The following SH3D19 variants were observed in gnomAD, a reference collection of about 807,000 sequenced individuals.
The protein encoded by SH3D19 is SH3 domain-containing protein 19.
SH3D19 carries 58 observed loss-of-function variants against 112.1 expected under a neutral mutation model. The observed-to-expected ratio is 0.52, with a 90% CI of 0.42 to 0.64. The LOEUF is 0.64. Ranked by LOEUF, SH3D19 falls within the 30% of genes least tolerant of loss-of-function variation. SH3D19 has a pLI of 0.00. For missense variants in SH3D19, 1,090 were observed against 1,263.4 expected (o/e 0.86, Z 2.08); for synonymous variants, 391 against 448.5 (o/e 0.87, Z 1.62).
At chr4:151,147,887 T>G in intron 11 of SH3D19, 35 bp downstream of exon 11, 1 of 1,563,984 alleles carries the variant, frequency 6.4e-7, no homozygotes, top group Non-Finnish European at 8.6e-7. Flanking sequence ...AGGGCACACC[T>G]CTTGACCACA....
At chr4:151,227,839 G>A in intron 1 of SH3D19, 1 of 985,348 alleles carries the variant, frequency 1.0e-6, no homozygotes, top group South Asian at 4.7e-5. Flanking sequence ...GTTTACTTAG[G>A]CATGTAATAG....
chr4:151,135,997 A>G (rs1314668773), intron 14 of SH3D19, among the ~76,000 whole-genome samples: 1 of 149,886 alleles, frequency 6.7e-6, no homozygotes, highest in Non-Finnish European at 1.5e-5. Flanking sequence ...AAAACAAAAC[A>G]AAACAAAACA....
rs376938941 is a variant in SH3D19 at position 151,205,071 on chromosome 4, T to G, written c.153-17608A>C. ...CCTGACTTCAGGTGATCCACCCACC[T>G]CAGCCTCCCAAAGTACTGGGATTAC... On this transcript the variant is annotated intron_variant, in intron 2 of 19. Coordinates refer to ENST00000604030, the MANE Select transcript of SH3D19 (RefSeq NM_001378122.1). Among the ~76,000 whole-genome samples, 15 of 152,276 alleles carry G rather than the reference T, an allele frequency of 9.9e-5. No homozygotes were observed. The East Asian group carries it at 1.9e-3, about 20-fold the overall frequency.
chr4:151,239,262 G>A (rs1321285131), intron 1 of SH3D19, among the ~76,000 whole-genome samples: 1 of 152,156 alleles, frequency 6.6e-6, no homozygotes, highest in Admixed American at 6.6e-5. Flanking sequence ...CTTTAAGACA[G>A]AGCCTTTATA....
chr4:151,236,451 T>G (rs1469894405), intron 1 of SH3D19, among the ~76,000 whole-genome samples: 1 of 152,192 alleles, frequency 6.6e-6, no homozygotes, highest in Non-Finnish European at 1.5e-5. Context: ...CAGCTGGGCT[T>G]CTGGGTCGGG....
chr4:151,318,363 G>C (rs1730221418), intron 1 of SH3D19, among the ~76,000 whole-genome samples: 1 of 150,868 alleles, frequency 6.6e-6, no homozygotes, highest in Admixed American at 6.6e-5. Context: ...ATTATTACCA[G>C]GCCATGTTAA....
chr4:151,215,162 T>A (rs1478072643), intron 2 of SH3D19, among the ~76,000 whole-genome samples: 1 of 152,200 alleles, frequency 6.6e-6, no homozygotes, highest in East Asian at 1.9e-4. Context: ...CCTCAAGCAA[T>A]CCTCCTGCCT....
chr4:151,237,137 G>A (rs1275956399), intron 1 of SH3D19, among the ~76,000 whole-genome samples: 2 of 152,122 alleles, frequency 1.3e-5, no homozygotes, highest in Admixed American at 6.6e-5. Context: ...CACTCCTGAA[G>A]CCAGCGAGAC....
At chr4:151,270,341 T>A (rs971085716) in intron 1 of SH3D19, among the ~76,000 whole-genome samples, 2 of 152,104 alleles carry the variant, frequency 1.3e-5, no homozygotes, top group Non-Finnish European at 2.9e-5. Context: ...TGACTTCTGT[T>A]CATTAAGTGT....
chr4:151,144,112 C>A, intron 11 of SH3D19, 62 bp from the exon 12 acceptor site: 2 of 1,586,858 alleles, frequency 1.3e-6, no homozygotes, highest in Non-Finnish European at 1.7e-6. Flanking sequence ...ATTACTTTTT[C>A]ACATTTTAAT....
intron 1 of SH3D19, among the ~76,000 whole-genome samples, chr4:151,263,366 G>T (rs920956503): frequency 6.6e-6 from 1 of 152,124 alleles, no homozygotes; most frequent in African/African-American, 2.4e-5. Context: ...CCAACCCTGG[G>T]ATTAGACTGG....
chr4:151,258,894 G>A (rs1039742960), intron 1 of SH3D19, among the ~76,000 whole-genome samples: 2 of 152,100 alleles, frequency 1.3e-5, no homozygotes, highest in Non-Finnish European at 2.9e-5. Flanking sequence ...GGGCACTGCT[G>A]GCTATGCATT....
At chr4:151,165,264 T>A (rs987687936) in intron 8 of SH3D19, among the ~76,000 whole-genome samples, 5 of 151,712 alleles carry the variant, frequency 3.3e-5, no homozygotes, top group Admixed American at 2.6e-4. Flanking sequence ...ATTGCTTGAA[T>A]CCGGGAGGCA....
At chr4:151,204,808 G>A (rs924758319) in intron 2 of SH3D19, among the ~76,000 whole-genome samples, 2 of 152,050 alleles carry the variant, frequency 1.3e-5, no homozygotes, top group Non-Finnish European at 2.9e-5. Context: ...TTTAAATACT[G>A]AGATCAAGTC....
intron 1 of SH3D19, among the ~76,000 whole-genome samples, chr4:151,314,483 T>C (rs2651321): frequency 0.94 from 143,046 of 152,236 alleles, 67,311 homozygotes; most frequent in East Asian, 1. Context: ...AACGGTGGAG[T>C]GGGGGCCTCA....
intron 1 of SH3D19, among the ~76,000 whole-genome samples, chr4:151,249,946 T>A (rs553917511): frequency 2.6e-5 from 4 of 152,314 alleles, no homozygotes; most frequent in African/African-American, 9.6e-5. Context: ...TATGCTTGAG[T>A]TAAAATATTT....
intron 1 of SH3D19, among the ~76,000 whole-genome samples, chr4:151,307,089 G>A (rs1728990859): frequency 6.7e-6 from 1 of 149,358 alleles, no homozygotes; most frequent in Non-Finnish European, 1.5e-5. Context: ...CGGGATCTCG[G>A]CTCACTGCAA....
intron 7 of SH3D19, among the ~76,000 whole-genome samples, chr4:151,168,404 T>C (rs1253832365): frequency 6.6e-6 from 1 of 151,798 alleles, no homozygotes; most frequent in African/African-American, 2.4e-5. Context: ...CATTTCTTTT[T>C]TTTTTTTTTT....
chr4:151,161,748 T>G (rs1378061855), intron 8 of SH3D19, among the ~76,000 whole-genome samples: 1 of 149,774 alleles, frequency 6.7e-6, no homozygotes, highest in Non-Finnish European at 1.5e-5. Flanking sequence ...GTGTTCTCAC[T>G]GTTCAATTCA....
Sources: gnomAD v4.1 joint callset for allele counts (sites outside exome capture counted in the v4.1 genomes callset) on GRCh38, gnomAD v4.1.1 for gene constraint, MANE v1.5 for transcripts, NCBI Gene and HGNC (gene_info 2026-07-23, HGNC 2026-07-21) for gene names.